Variants in RWDD1 observed in about 807,000 individuals in gnomAD.
RWDD1 encodes RWD domain containing 1, also known as RWD domain-containing protein 1.
RWDD1 carries 17 observed loss-of-function variants against 31.6 expected under a neutral mutation model. The ratio of observed to expected loss-of-function variants is 0.54; its 90% CI spans 0.37 to 0.81. The LOEUF is 0.81. Ranked by LOEUF, RWDD1 falls within the 30% of genes least tolerant of loss-of-function variation. The pLI is 0.00. For missense variants in RWDD1, 204 were observed against 274.5 expected (o/e 0.74, Z 1.82); for synonymous variants, 78 against 94.2 (o/e 0.83, Z 0.99).
chr6:116,593,667 C>T lies in RWDD1; in HGVS notation c.*566C>T, dbSNP rs537120020. On this transcript the variant is annotated 3_prime_UTR_variant, in exon 7 of 7. Coordinates refer to ENST00000466444, the MANE Select transcript of RWDD1 (RefSeq NM_015952.4). The stretch of plus-strand genomic sequence containing the variant: ...GCTGGGTAATTTATAAAAGGTTTGC[C>T]GGGTGCGGTGGCTCACGCCTGTAAT... The T allele has an allele frequency of 2.6e-3, 396 of 152,412 alleles. 1 individual carries two copies. Among genetic ancestry groups the T allele is most frequent in the African/African-American group, 9.1e-3 (379 of 41,554 alleles). 9.4% of individuals were successfully genotyped at this position (152,412 alleles called of 1,614,324 possible). A position where few individuals can be genotyped will look rare whatever the true frequency, so the allele number is the denominator to read the frequency against.
At position 116,593,944 on chromosome 6, in the gene RWDD1, C is replaced by CA. The variant is rs79042369; in HGVS notation, c.*857dup. On this transcript the variant is annotated 3_prime_UTR_variant, in exon 7 of 7. Transcript: ENST00000466444. Reference sequence around the variant, plus strand: ...TGGGCAACAGAGCAAGACTCCGTCTCAAAAAAAAAAAAAAGGTTTATTTGG... The same window carrying CA: ...TGGGCAACAGAGCAAGACTCCGTCTCAAAAAAAAAAAAAAAGGTTTATTTGG... 4.0e-3 allele frequency: 488 copies of CA among 121,220 alleles called. 2 individuals are homozygous for CA. The highest frequency in any genetic ancestry group is 9.6e-3 in the African/African-American group (319 of 33,122). The allele number at this position is 121,220 out of a possible 1,614,324, so 7.5% of individuals were successfully genotyped here. A position where few individuals can be genotyped will look rare whatever the true frequency, so the allele number is the denominator to read the frequency against.
At chr6:116,583,707 G>A (rs921120867) in intron 2 of RWDD1, among the ~76,000 whole-genome samples, 26 of 150,818 alleles carry the variant, frequency 1.7e-4, no homozygotes, top group African/African-American at 6.1e-4. Context: ...GAAATAAAAT[G>A]GAAAAAAAAA....
intron 1 of RWDD1, among the ~76,000 whole-genome samples, chr6:116,577,316 T>G (rs1487922799): frequency 6.6e-6 from 1 of 152,112 alleles, no homozygotes; most frequent in Non-Finnish European, 1.5e-5. Flanking sequence ...TCTCTTGAGT[T>G]TGTTATTATT....
intron 3 of RWDD1, 61 bp downstream of exon 3, chr6:116,584,918 T>A: frequency 7.6e-7 from 1 of 1,311,930 alleles, no homozygotes. Flanking sequence ...TATTACATAT[T>A]AATTTCAAGA....
chr6:116,572,959 G>C, intron 1 of RWDD1: 1 of 985,574 alleles, frequency 1.0e-6, no homozygotes, highest in Non-Finnish European at 1.2e-6. Flanking sequence ...GATGAGTGAA[G>C]AGGGGTTTGA....
intron 4 of RWDD1, 77 bp downstream of exon 4, chr6:116,589,062 C>A: frequency 1.8e-6 from 2 of 1,109,554 alleles, no homozygotes; most frequent in South Asian, 8.3e-5. Context: ...TTTTTTTAAT[C>A]AATAGCAGTA....
At chr6:116,582,416 G>C (rs1774962548) in intron 2 of RWDD1, among the ~76,000 whole-genome samples, 1 of 151,930 alleles carries the variant, frequency 6.6e-6, no homozygotes, top group Admixed American at 6.5e-5. Context: ...TCATAGAAAA[G>C]AGGAAGAAAC....
intron 1 of RWDD1, among the ~76,000 whole-genome samples, chr6:116,578,647 T>C (rs1244703072): frequency 1.3e-5 from 2 of 152,220 alleles, no homozygotes; most frequent in Non-Finnish European, 2.9e-5. Context: ...ATTTTACATA[T>C]ATTTGTAAAA....
rs1174114234 is a variant in RWDD1 at position 116,593,058 on chromosome 6, C to T, written c.689C>T (p.Pro230Leu). ...DLELEDDEDDPDYNPADPESD... is the reference protein window; with the variant it reads ...DLELEDDEDDLDYNPADPESD... ...GAGCTGGAGGATGATGAAGATGATC[C>T]AGACTATAATCCTGCTGACCCAGAG... Residue 230 changes from proline (P) to leucine (L), a missense_variant, in exon 7 of 7, where the codon CCA becomes CTA. Pro to Leu is a moderately conservative substitution (Grantham distance 98). Transcript: ENST00000466444. 1 of 1,613,630 alleles carries T rather than the reference C, an allele frequency of 6.2e-7. No individual in the cohort carries two copies. Among genetic ancestry groups the T allele is most frequent in the Non-Finnish European group, 8.5e-7 (1 of 1,179,946 alleles).
chr6:116,580,662 T>A (rs1327109433), intron 2 of RWDD1, among the ~76,000 whole-genome samples: 1 of 152,138 alleles, frequency 6.6e-6, no homozygotes, highest in African/African-American at 2.4e-5. Flanking sequence ...AAGCAATACT[T>A]CACGTGCAAA....
intron 5 of RWDD1, 74 bp downstream of exon 5, chr6:116,590,478 G>T (rs1775122805): frequency 1.4e-6 from 2 of 1,466,524 alleles, no homozygotes; most frequent in African/African-American, 2.9e-5. Flanking sequence ...AGGATCATTT[G>T]GTCAGATTTC....
Position 116,593,924 on chromosome 6 carries a change from A to G in RWDD1, c.*823A>G, listed in dbSNP as rs12526017. On this transcript the variant is annotated 3_prime_UTR_variant, in exon 7 of 7. Coordinates refer to ENST00000466444, the MANE Select transcript of RWDD1 (RefSeq NM_015952.4). ...CACGCCACTGCACTCCAGCCTGGGC[A>G]ACAGAGCAAGACTCCGTCTCAAAAA... 58,623 of 150,428 alleles carry G rather than the reference A, an allele frequency of 0.39. 12,042 individuals are homozygous for G. Among genetic ancestry groups the G allele is most frequent in the African/African-American group, 0.52 (21,082 of 40,734 alleles). 9.3% of individuals were successfully genotyped at this position (150,428 alleles called of 1,614,324 possible).
At chr6:116,583,641 C>T (rs904414515) in intron 2 of RWDD1, among the ~76,000 whole-genome samples, 4 of 151,828 alleles carry the variant, frequency 2.6e-5, no homozygotes, top group African/African-American at 9.7e-5. Context: ...ACATTGTACA[C>T]CTTAAATATA....
At chr6:116,584,964 C>T (rs1338603378) in intron 3 of RWDD1, 107 bp downstream of exon 3, 13 of 858,010 alleles carry the variant, frequency 1.5e-5, no homozygotes, top group Non-Finnish European at 2.4e-5. Flanking sequence ...GAACATTGAC[C>T]AAGTGGAATT....
At position 116,592,072 on chromosome 6, in the gene RWDD1, G is replaced by A. The variant is rs149406756; in HGVS notation, c.611-908G>A. Among the ~76,000 whole-genome samples the A allele has an allele frequency of 3.3e-3, 495 of 152,166 alleles. 13 individuals carry two copies. The highest frequency in any genetic ancestry group is 0.024 in the Admixed American group (366 of 15,284). On this transcript the variant is annotated intron_variant, in intron 6 of 6. Transcript: ENST00000466444. Reference sequence around the variant, plus strand: ...TTCTATAGTCACTCCCTATGAGATGGTATTCCTAAAACCCATATTTAATCA... The same window carrying A: ...TTCTATAGTCACTCCCTATGAGATGATATTCCTAAAACCCATATTTAATCA...
chr6:116,579,433 C>A (rs1774910489), intron 1 of RWDD1, among the ~76,000 whole-genome samples: 1 of 152,166 alleles, frequency 6.6e-6, no homozygotes, highest in African/African-American at 2.4e-5. Flanking sequence ...GTTCTGAGTA[C>A]AAGTTTTCTT....
At chr6:116,583,414 A>G (rs1774981618) in intron 2 of RWDD1, among the ~76,000 whole-genome samples, 2 of 152,194 alleles carry the variant, frequency 1.3e-5, no homozygotes, top group Non-Finnish European at 2.9e-5. Context: ...TCAGTTATAC[A>G]AGATGAAATA....
intron 3 of RWDD1, among the ~76,000 whole-genome samples, chr6:116,585,919 A>G (rs1775032525): frequency 6.6e-6 from 1 of 152,076 alleles, no homozygotes; most frequent in Non-Finnish European, 1.5e-5. Context: ...TCAGCCTCCC[A>G]GAGTGCTGGG....
intron 5 of RWDD1, 72 bp downstream of exon 5, chr6:116,590,476 T>C (rs1427601455): frequency 1.4e-6 from 2 of 1,471,796 alleles, no homozygotes; most frequent in Non-Finnish European, 1.8e-6. Context: ...AGAGGATCAT[T>C]TGGTCAGATT....
Sources: gnomAD v4.1 joint callset for allele counts (sites outside exome capture counted in the v4.1 genomes callset) on GRCh38, gnomAD v4.1.1 for gene constraint, MANE v1.5 for transcripts, NCBI Gene and HGNC (gene_info 2026-07-23, HGNC 2026-07-21) for gene names.